Variants in RELN observed in about 807,000 individuals in gnomAD.
The protein encoded by RELN is reelin.
In RELN, 108 loss-of-function variants were observed where a neutral mutation model predicts 427.6. The ratio of observed to expected loss-of-function variants is 0.25; its 90% CI spans 0.22 to 0.30. The LOEUF is 0.30. RELN is among the 10% of genes least tolerant of loss of function. The probability of loss-of-function intolerance (pLI) is 1.00; values close to 1 mark genes in which losing one functional copy is unlikely to be tolerated. For missense variants in RELN, 3,715 were observed against 4,302.8 expected (o/e 0.86, Z 3.82); for synonymous variants, 1,524 against 1,513.4 (o/e 1.01, Z -0.16).
chr7:103,907,415 GAAAAAA>G (rs941182837), intron 2 of RELN, among the ~76,000 whole-genome samples: 20 of 44,124 alleles, frequency 4.5e-4, no homozygotes, highest in African/African-American at 1.6e-3. Flanking sequence ...CAAGGCTCTG[GAAAAAA>G]AAAAAAAAAA....
intron 33 of RELN, 119 bp from the exon 34 acceptor site, chr7:103,565,670 C>G: frequency 1.1e-6 from 1 of 910,340 alleles, no homozygotes; most frequent in Non-Finnish European, 1.7e-6. Flanking sequence ...TTTAGTGCCC[C>G]CTATGTGCTT....
intron 1 of RELN, among the ~76,000 whole-genome samples, chr7:103,929,075 AC>A (rs1795805514): frequency 6.6e-6 from 1 of 152,194 alleles, no homozygotes; most frequent in Non-Finnish European, 1.5e-5. Context: ...CCAGGGTGCA[AC>A]CTGCTCTTTT....
chr7:103,738,096 A>G (rs1790539693), intron 6 of RELN, among the ~76,000 whole-genome samples: 1 of 149,430 alleles, frequency 6.7e-6, no homozygotes, highest in Non-Finnish European at 1.5e-5. Context: ...GCTGGAGGGG[A>G]AACATCTGTT....
At chr7:103,973,224 C>A (rs949356440) in intron 1 of RELN, among the ~76,000 whole-genome samples, 2 of 152,156 alleles carry the variant, frequency 1.3e-5, no homozygotes, top group Non-Finnish European at 2.9e-5. Context: ...TGGAACAAGG[C>A]AGTTAATGGC....
At chr7:103,731,792 T>G (rs763979919) in intron 6 of RELN, among the ~76,000 whole-genome samples, 1 of 152,126 alleles carries the variant, frequency 6.6e-6, no homozygotes, top group Non-Finnish European at 1.5e-5. Flanking sequence ...TGTAAGCCAC[T>G]TTTTTCATTT....
rs2299337 is a variant in RELN at position 103,563,601 on chromosome 7, G to A, written c.5211-1648C>T. The stretch of plus-strand genomic sequence containing the variant: ...GAAAAATATTCTTTTTTTAAATTTA[G>A]TGGAGCCTAAGTGCATAGTGTTTAT... On this transcript the variant is annotated intron_variant, in intron 34 of 64. Coordinates refer to ENST00000428762, the MANE Select transcript of RELN (RefSeq NM_005045.4). The surrounding 1 kb of genome is among the most constrained non-coding windows in gnomAD (Gnocchi z 4.1). Among the ~76,000 whole-genome samples the A allele has an allele frequency of 0.26, 40,140 of 151,896 alleles. 5,507 individuals are homozygous for A. The highest frequency in any genetic ancestry group is 0.35 in the Middle Eastern group (103 of 294).
At chr7:103,876,823 A>T (rs1230818225) in intron 2 of RELN, among the ~76,000 whole-genome samples, 1 of 149,306 alleles carries the variant, frequency 6.7e-6, no homozygotes, top group African/African-American at 2.4e-5. Flanking sequence ...GTTAAAAAGC[A>T]CTACTTTAGG....
intron 4 of RELN, among the ~76,000 whole-genome samples, chr7:103,763,632 A>C (rs1041483612): frequency 6.6e-6 from 1 of 152,184 alleles, no homozygotes; most frequent in Non-Finnish European, 1.5e-5. Context: ...CAGGGAAAGG[A>C]GTTGGCATAT....
intron 6 of RELN, among the ~76,000 whole-genome samples, chr7:103,732,150 T>TGTTTAG (rs1790370632): frequency 6.6e-6 from 1 of 152,134 alleles, no homozygotes; most frequent in Admixed American, 6.6e-5. Context: ...AGATTGGGAC[T>TGTTTAG]GATATGACAG....
intron 8 of RELN, among the ~76,000 whole-genome samples, chr7:103,706,501 A>C (rs1487087964): frequency 6.6e-6 from 1 of 152,238 alleles, no homozygotes; most frequent in Non-Finnish European, 1.5e-5. Context: ...AAGGAAACTA[A>C]GGTAAAGAAG....
intron 53 of RELN, among the ~76,000 whole-genome samples, chr7:103,499,272 G>A (rs1214260438): frequency 6.6e-6 from 1 of 152,210 alleles, no homozygotes; most frequent in South Asian, 2.1e-4. Flanking sequence ...AAGAATGATT[G>A]ACAACCAGAA....
chr7:103,519,295 G>T, intron 49 of RELN, 28 bp downstream of exon 49: 1 of 1,554,488 alleles, frequency 6.4e-7, no homozygotes, highest in South Asian at 1.1e-5. Context: ...CGATGTACTC[G>T]TTATTAGATA....
At chr7:103,630,276 A>C in intron 19 of RELN, 100 bp from the exon 20 acceptor site, 1 of 824,474 alleles carries the variant, frequency 1.2e-6, no homozygotes, top group Non-Finnish European at 2.0e-6. Context: ...GTATTAAAGA[A>C]ATAGTTCTCC....
chr7:103,885,105 C>A (rs1054455779), intron 2 of RELN, among the ~76,000 whole-genome samples: 4 of 152,016 alleles, frequency 2.6e-5, no homozygotes, highest in African/African-American at 9.7e-5. Context: ...TTTGGGAGGC[C>A]GAGGCAGGCG....
intron 3 of RELN, among the ~76,000 whole-genome samples, chr7:103,807,590 C>T (rs542175061): frequency 7.4e-4 from 112 of 152,128 alleles, no homozygotes; most frequent in Non-Finnish European, 1.4e-3. Flanking sequence ...CGATAGGTAG[C>T]CTGCCAATCT....
chr7:103,794,267 T>A (rs112055292), intron 3 of RELN, among the ~76,000 whole-genome samples: 1 of 152,148 alleles, frequency 6.6e-6, no homozygotes, highest in Non-Finnish European at 1.5e-5. Context: ...ATTCCAACTG[T>A]AGCCAGGCTC....
intron 28 of RELN, among the ~76,000 whole-genome samples, chr7:103,579,591 T>C (rs1391364875): frequency 7.3e-6 from 1 of 136,362 alleles, no homozygotes; most frequent in Non-Finnish European, 1.5e-5. Flanking sequence ...AAAGTAAGAC[T>C]CCATCTCCAA....
intron 3 of RELN, among the ~76,000 whole-genome samples, chr7:103,784,081 C>A (rs1427446514): frequency 6.6e-6 from 1 of 152,030 alleles, no homozygotes; most frequent in African/African-American, 2.4e-5. Flanking sequence ...GCAGATTAAA[C>A]CACATTTTAT....
At chr7:103,755,988 T>G (rs995831499) in intron 4 of RELN, among the ~76,000 whole-genome samples, 1 of 152,140 alleles carries the variant, frequency 6.6e-6, no homozygotes, top group Non-Finnish European at 1.5e-5. Context: ...ACTGGTTAAA[T>G]TAAATGTAGG....
Sources: gnomAD v4.1 joint callset for allele counts (sites outside exome capture counted in the v4.1 genomes callset) on GRCh38, gnomAD v4.1.1 for gene constraint, Gnocchi (gnomAD v3.1) non-coding constraint, MANE v1.5 for transcripts, NCBI Gene and HGNC (gene_info 2026-07-23, HGNC 2026-07-21) for gene names.